The following DNMT3A variants were observed in gnomAD, a reference collection of about 807,000 sequenced individuals.
DNMT3A encodes the protein DNA methyltransferase 3 alpha, also known as DNA (cytosine-5)-methyltransferase 3A.
DNMT3A carries 267 observed loss-of-function variants against 117.6 expected under a neutral mutation model. That is an observed-to-expected ratio of 2.27 (90% CI 2.05 to 2.51). The LOEUF (loss-of-function observed/expected upper bound fraction) is 2.51. DNMT3A is among the 30% of genes most tolerant of loss of function. The pLI is 0.00. For synonymous variants in DNMT3A, 432 were observed against 474.8 expected (o/e 0.91, Z 1.17); for missense variants, 1,029 against 1,260.2 (o/e 0.82, Z 2.78).
At chr2:25,320,905 G>A (rs1268890951) in intron 1 of DNMT3A, among the ~76,000 whole-genome samples, 3 of 152,178 alleles carry the variant, frequency 2.0e-5, no homozygotes, top group East Asian at 3.8e-4. Flanking sequence ...GCCGAGGAGG[G>A]TGGATCACCT....
chr2:25,244,597 C>T lies in DNMT3A; in HGVS notation c.1610G>A (p.Cys537Tyr), dbSNP rs2149291831. ...QYDDDGYQSY[C>Y]TICCGGREVL... ...CTCACGGCCCCCACAGCAGATGGTG[C>T]AGTAGGACTGGTAGCCGTCGTCGTC... is the stretch of plus-strand genomic sequence containing the variant. Residue 537 changes from cysteine (C) to tyrosine (Y), a missense_variant, in exon 14 of 23, where the codon TGC (cysteine) becomes TAC (tyrosine). Cys to Tyr is a radical substitution (Grantham distance 194). Coordinates refer to ENST00000321117, the MANE Select transcript of DNMT3A (RefSeq NM_022552.5). 1.2e-6 allele frequency: 2 copies of T among 1,614,220 alleles called. No individual in the cohort carries two copies. Among genetic ancestry groups the T allele is most frequent in the Non-Finnish European group, 1.7e-6 (2 of 1,180,026 alleles).
At position 25,236,127 on chromosome 2, in the gene DNMT3A, G is replaced by A. The variant is rs1287870179; in HGVS notation, c.2479-302C>T. Among the ~76,000 whole-genome samples the A allele has an allele frequency of 2.6e-5, 4 of 151,294 alleles. No homozygotes were observed. The highest frequency in any genetic ancestry group is 5.9e-5 in the Non-Finnish European group (4 of 67,936). ...GTCACCCAGGCTGGACTGCAGTGGT[G>A]CGATCTCAGCTCACTGTAACCTCCA... On this transcript the variant is annotated intron_variant, in intron 21 of 22. Transcript: ENST00000321117. This position sits in a 1 kb window ranked among gnomAD's most constrained non-coding sequence, Gnocchi z 4.5.
intron 6 of DNMT3A, among the ~76,000 whole-genome samples, chr2:25,270,864 A>T (rs1278689424): frequency 6.6e-6 from 1 of 152,232 alleles, no homozygotes; most frequent in Non-Finnish European, 1.5e-5. Context: ...CTTAGAAAAC[A>T]TTACAAAAAA....
chr2:25,240,421 AG>A lies in DNMT3A; in HGVS notation c.2202del (p.Tyr735ThrfsTer44). The A allele has an allele frequency of 6.2e-7, 1 of 1,612,130 alleles. No individual in the cohort carries two copies. Among genetic ancestry groups the A allele is most frequent in the Non-Finnish European group, 8.5e-7 (1 of 1,179,082 alleles). On this transcript the variant is annotated frameshift_variant, in exon 19 of 23. Coordinates refer to ENST00000321117, the MANE Select transcript of DNMT3A (RefSeq NM_022552.5). LOFTEE classifies it high-confidence loss of function. ...YEGTGRLFFE[F>X]YRLLHDARPK... ...GGCCGCGCATCATGCAGGAGGCGGT[AG>A]AACTCAAAGAAGAGCCGGCCAGTGC... is the stretch of plus-strand genomic sequence containing the variant.
Position 25,294,364 on chromosome 2 carries a change from G to T in DNMT3A, c.177+5775C>A, listed in dbSNP as rs1030181704. On this transcript the variant is annotated intron_variant, in intron 3 of 22. Coordinates refer to ENST00000321117, the MANE Select transcript of DNMT3A (RefSeq NM_022552.5). The surrounding 1 kb of genome is among the most constrained non-coding windows in gnomAD (Gnocchi z 4.7). ...CCATAGGCTCTACCTCACAAGCAGTGTGTCGGCCTGTCTTCCTCATGCCTT... is the reference window on the plus strand; with the variant it reads ...CCATAGGCTCTACCTCACAAGCAGTTTGTCGGCCTGTCTTCCTCATGCCTT... Among the ~76,000 whole-genome samples, 2 of 152,118 alleles carry T rather than the reference G, an allele frequency of 1.3e-5. No homozygotes were observed. Among genetic ancestry groups the T allele is most frequent in the Non-Finnish European group, 2.9e-5 (2 of 68,016 alleles).
rs746586507 is a variant in DNMT3A, at chr2:25,244,161, C to T, written c.1845G>A (p.Gln615=). Residue 615 remains glutamine, a synonymous_variant, in exon 15 of 23, where the codon CAG becomes CAA. Coordinates refer to ENST00000321117, the MANE Select transcript of DNMT3A (RefSeq NM_022552.5). The part of the protein sequence containing the change: ...LQMFFANNHD[Q]EFDPPKVYPP... ...CCCCAGGCCCAGCACTCACAAATTC[C>T]TGGTCGTGGTTATTAGCGAAGAACA... 1.9e-6 allele frequency: 3 copies of T among 1,614,008 alleles called. No homozygotes were observed. The highest frequency in any genetic ancestry group is 3.3e-5 in the Admixed American group (2 of 60,032).
intron 1 of DNMT3A, among the ~76,000 whole-genome samples, chr2:25,319,161 C>T (rs568198704): frequency 6.6e-6 from 1 of 151,632 alleles, no homozygotes; most frequent in East Asian, 1.9e-4. Flanking sequence ...ACTACAGGTG[C>T]CCACCACCAC....
chr2:25,334,522 A>G (rs1156586999), intron 1 of DNMT3A, among the ~76,000 whole-genome samples: 1 of 152,196 alleles, frequency 6.6e-6, no homozygotes, highest in Non-Finnish European at 1.5e-5. Flanking sequence ...CCAGTTCCCC[A>G]GGAACCATTT....
chr2:25,301,550 G>A (rs2149408883), intron 2 of DNMT3A, among the ~76,000 whole-genome samples: 1 of 152,248 alleles, frequency 6.6e-6, no homozygotes. Context: ...GCTGGGCCCT[G>A]ACATGCTTGT....
At chr2:25,292,886 G>A (rs537811141) in intron 3 of DNMT3A, among the ~76,000 whole-genome samples, 10 of 152,232 alleles carry the variant, frequency 6.6e-5, no homozygotes, top group Admixed American at 2.0e-4. Context: ...GGTGGAGCCC[G>A]GGCCCTAGAA....
At position 25,247,523 on chromosome 2, in the gene DNMT3A, C is replaced by G; in HGVS notation, c.1014+68G>C. ...ACCCCAATTCCAGACTGCCCCCAGC[C>G]AAAACCACAGGCCCTGGGATCAAGA... On this transcript the variant is annotated intron_variant, in intron 8 of 22. Coordinates refer to ENST00000321117, the MANE Select transcript of DNMT3A (RefSeq NM_022552.5). The surrounding 1 kb of genome is among the most constrained non-coding windows in gnomAD (Gnocchi z 5.6). 6.3e-7 allele frequency: 1 copy of G among 1,579,428 alleles called. No individual in the cohort carries two copies. Among genetic ancestry groups the G allele is most frequent in the Non-Finnish European group, 8.6e-7 (1 of 1,160,780 alleles).
rs1219285878 is a variant in DNMT3A at position 25,248,152 on chromosome 2, ACAG to A, written c.737_739del (p.Ala246del). On this transcript the variant is annotated inframe_deletion, in exon 7 of 23. Transcript: ENST00000321117. Reference sequence around the variant, plus strand: ...GGATGCGGGGTCAGTGGGCTGCTGCACAGCAGGAGGGCTGGCCTCCTCCACCTT... The same window carrying A: ...GGATGCGGGGTCAGTGGGCTGCTGCACAGGAGGGCTGGCCTCCTCCACCTT... The A allele has an allele frequency of 1.2e-6, 2 of 1,613,868 alleles. No homozygotes were observed. The highest frequency in any genetic ancestry group is 3.3e-5 in the Admixed American group (2 of 59,986).
rs374095718 is a variant in DNMT3A, at chr2:25,275,328, C to T, written c.492+172G>A. Reference sequence around the variant, plus strand: ...GTCTGGCCTCTGGAGGGGGATGAGCCGGCTGCCTTGTTGGGGGACTTCCAA... The same window carrying T: ...GTCTGGCCTCTGGAGGGGGATGAGCTGGCTGCCTTGTTGGGGGACTTCCAA... On this transcript the variant is annotated intron_variant, in intron 5 of 22. Transcript: ENST00000321117. Among the ~76,000 whole-genome samples, 16 of 152,332 alleles carry T rather than the reference C, an allele frequency of 1.1e-4. No individual in the cohort carries two copies. In the East Asian group the frequency reaches 2.3e-3, roughly 22 times the overall value.
At chr2:25,262,160 A>G (rs11681717) in intron 6 of DNMT3A, among the ~76,000 whole-genome samples, 79,630 of 147,090 alleles carry the variant, frequency 0.54, 21,762 homozygotes, top group East Asian at 0.61. Context: ...ACTGCACTCC[A>G]GCCTGGCGAG....
chr2:25,334,799 GCTTACCC>G (rs111917808), intron 1 of DNMT3A, among the ~76,000 whole-genome samples: 4 of 152,318 alleles, frequency 2.6e-5, no homozygotes, highest in African/African-American at 9.6e-5. Context: ...ACCTGAGTAA[GCTTACCC>G]CTTGCTGTCA....
In DNMT3A at chr2:25,254,669, T is replaced by TA. The variant is rs1490543105; in HGVS notation, c.640-6418dup. Among the ~76,000 whole-genome samples, 3 of 152,206 alleles carry TA rather than the reference T, an allele frequency of 2.0e-5. No individual in the cohort carries two copies. The highest frequency in any genetic ancestry group is 4.4e-5 in the Non-Finnish European group (3 of 68,048). ...CTTGCTTCGCTGCTTCTCTCACTGA[T>TA]ACCTCTTCTGCATCCATGCCGGTCA... is the stretch of plus-strand genomic sequence containing the variant. On this transcript the variant is annotated intron_variant, in intron 6 of 22. Coordinates refer to ENST00000321117, the MANE Select transcript of DNMT3A (RefSeq NM_022552.5). This position sits in a 1 kb window ranked among gnomAD's most constrained non-coding sequence, Gnocchi z 4.7.
At chr2:25,280,135 T>A (rs1423227126) in intron 4 of DNMT3A, among the ~76,000 whole-genome samples, 1 of 152,110 alleles carries the variant, frequency 6.6e-6, no homozygotes, top group South Asian at 2.1e-4. Context: ...ACCTCTCATG[T>A]TCCTGGCATT....
intron 2 of DNMT3A, among the ~76,000 whole-genome samples, chr2:25,310,522 A>G (rs1225562714): frequency 6.6e-6 from 1 of 152,018 alleles, no homozygotes; most frequent in East Asian, 1.9e-4. Context: ...GCCACTCTGT[A>G]CACTCCCAGC....
chr2:25,247,961 G>A lies in DNMT3A; in HGVS notation c.855+76C>T. 6.3e-7 allele frequency: 1 copy of A among 1,594,568 alleles called. No individual in the cohort carries two copies. Among genetic ancestry groups the A allele is most frequent in the East Asian group, 2.2e-5 (1 of 44,678 alleles). ...AGCGGCCCGTGGGAGATGGAGAGAG[G>A]AGAGCAGGACGGGAGGAGCTGGCAG... On this transcript the variant is annotated intron_variant, in intron 7 of 22. Transcript: ENST00000321117. This position sits in a 1 kb window ranked among gnomAD's most constrained non-coding sequence, Gnocchi z 5.6.
Sources: gnomAD v4.1 joint callset for allele counts (sites outside exome capture counted in the v4.1 genomes callset) on GRCh38, gnomAD v4.1.1 for gene constraint, Gnocchi (gnomAD v3.1) non-coding constraint, MANE v1.5 for transcripts, NCBI Gene and HGNC (gene_info 2026-07-23, HGNC 2026-07-21) for gene names.